DCBLD1: variants seen among roughly 807,000 people sequenced by gnomAD.
DCBLD1 encodes discoidin, CUB and LCCL domain containing 1, also known as discoidin, CUB and LCCL domain-containing protein 1.
DCBLD1 carries 57 observed loss-of-function variants against 71.5 expected under a neutral mutation model. The observed-to-expected ratio is 0.80, with a 90% CI of 0.64 to 0.99. The LOEUF (loss-of-function observed/expected upper bound fraction) is 0.99. Among genes scored for constraint, DCBLD1 ranks in the 50% least tolerant of loss-of-function variants. The pLI, the probability that DCBLD1 is intolerant of heterozygous loss-of-function variation, is 0.00. For synonymous variants in DCBLD1, 380 were observed against 363.8 expected, an observed-to-expected ratio of 1.04 and a Z score of -0.51; for missense variants, 891 against 923.5, an observed-to-expected ratio of 0.96 and a Z score of 0.46.
At chr6:117,540,383 C>T in intron 9 of DCBLD1, 1 of 329,514 alleles carries the variant, frequency 3.0e-6, no homozygotes, top group Non-Finnish European at 5.7e-6. Flanking sequence ...GTCTATAGCA[C>T]CAGTTGAATG....
chr6:117,497,081 G>A (rs182496312), intron 1 of DCBLD1, among the ~76,000 whole-genome samples: 5 of 152,304 alleles, frequency 3.3e-5, no homozygotes, highest in Non-Finnish European at 7.3e-5. Context: ...TGTAATCCCA[G>A]CTAATCGGGA....
intron 1 of DCBLD1, among the ~76,000 whole-genome samples, chr6:117,493,290 C>A (rs929261168): frequency 6.6e-6 from 1 of 152,032 alleles, no homozygotes; most frequent in African/African-American, 2.4e-5. Context: ...TGACAAGATC[C>A]CCAGGTGATT....
intron 5 of DCBLD1, among the ~76,000 whole-genome samples, chr6:117,531,554 A>T (rs991932666): frequency 6.6e-6 from 1 of 152,196 alleles, no homozygotes; most frequent in African/African-American, 2.4e-5. Flanking sequence ...CCTCACACTG[A>T]ACATCGCAGG....
chr6:117,490,817 C>T (rs1365435703), intron 1 of DCBLD1, among the ~76,000 whole-genome samples: 1 of 151,688 alleles, frequency 6.6e-6, no homozygotes, highest in Non-Finnish European at 1.5e-5. Context: ...TTTCTTTCTT[C>T]ACAAAATTAA....
At chr6:117,563,355 G>A in intron 14 of DCBLD1, 1 of 1,613,480 alleles carries the variant, frequency 6.2e-7, no homozygotes, top group East Asian at 2.2e-5. Flanking sequence ...CCATTTTCAT[G>A]TGTGTCAGTT....
chr6:117,561,688 G>A (rs1441653206), intron 14 of DCBLD1: 1 of 203,690 alleles, frequency 4.9e-6, no homozygotes, highest in Admixed American at 6.0e-5. Context: ...CAGAGACAAT[G>A]CTATAAAGTA....
intron 1 of DCBLD1, among the ~76,000 whole-genome samples, chr6:117,496,036 C>T (rs1235368524): frequency 6.6e-6 from 1 of 152,152 alleles, no homozygotes; most frequent in Non-Finnish European, 1.5e-5. Context: ...AAAGTTTCCA[C>T]AGAGAGACTT....
Position 117,518,771 on chromosome 6 carries a change from G to T in DCBLD1, c.326-1045G>T, listed in dbSNP as rs115067075. Among the ~76,000 whole-genome samples the T allele has an allele frequency of 9.9e-3, 1,502 of 152,244 alleles. 26 individuals are homozygous for T. Among genetic ancestry groups the T allele is most frequent in the African/African-American group, 0.035 (1,442 of 41,540 alleles). On this transcript the variant is annotated intron_variant, in intron 2 of 14. Transcript: ENST00000338728. Reference sequence around the variant, plus strand: ...CAGCACGGGAAACACCTTCCCCCATGATTCAGTTACCTCCCACCAGGTCCC... The same window carrying T: ...CAGCACGGGAAACACCTTCCCCCATTATTCAGTTACCTCCCACCAGGTCCC...
At chr6:117,526,783 A>G (rs1445055622) in intron 5 of DCBLD1, among the ~76,000 whole-genome samples, 1 of 152,226 alleles carries the variant, frequency 6.6e-6, no homozygotes, top group Non-Finnish European at 1.5e-5. Flanking sequence ...TCATGGATGT[A>G]TTAGATATTT....
intron 14 of DCBLD1, among the ~76,000 whole-genome samples, chr6:117,559,191 TAAG>T (rs1236398573): frequency 1.3e-5 from 2 of 152,186 alleles, no homozygotes; most frequent in African/African-American, 4.8e-5. Context: ...CTAGCCTCTC[TAAG>T]AAGCAGACGC....
At chr6:117,567,118 TA>T (rs1779714262) in intron 14 of DCBLD1, 5 of 983,206 alleles carry the variant, frequency 5.1e-6, no homozygotes, top group African/African-American at 1.6e-5. Flanking sequence ...TGGGAAGGCT[TA>T]GGGGTAGAGA....
intron 14 of DCBLD1, among the ~76,000 whole-genome samples, chr6:117,563,549 C>T (rs1343070365): frequency 6.6e-6 from 1 of 151,872 alleles, no homozygotes; most frequent in Non-Finnish European, 1.5e-5. Flanking sequence ...TGGTGAAACC[C>T]CGTCTCTATT....
At chr6:117,514,006 G>A (rs187602900) in intron 2 of DCBLD1, among the ~76,000 whole-genome samples, 12 of 152,268 alleles carry the variant, frequency 7.9e-5, no homozygotes, top group Admixed American at 1.3e-4. Flanking sequence ...GGAGTCTGGC[G>A]GAGCACTGAG....
At chr6:117,504,222 T>G (rs1215165327) in intron 2 of DCBLD1, among the ~76,000 whole-genome samples, 2 of 152,204 alleles carry the variant, frequency 1.3e-5, no homozygotes, top group Non-Finnish European at 2.9e-5. Flanking sequence ...TCAGTGCTGC[T>G]AGGAAGAGAA....
At chr6:117,486,561 A>C (rs771435707) in intron 1 of DCBLD1, among the ~76,000 whole-genome samples, 1 of 151,944 alleles carries the variant, frequency 6.6e-6, no homozygotes, top group Non-Finnish European at 1.5e-5. Context: ...TTTTTTTGCT[A>C]TTTCTCCAAA....
At chr6:117,500,466 G>A (rs1270382899) in intron 1 of DCBLD1, among the ~76,000 whole-genome samples, 5 of 152,204 alleles carry the variant, frequency 3.3e-5, no homozygotes, top group African/African-American at 9.6e-5. Flanking sequence ...GAATGTTGAC[G>A]ATTTGAACTT....
At chr6:117,519,397 T>C (rs1392233942) in intron 2 of DCBLD1, among the ~76,000 whole-genome samples, 1 of 152,212 alleles carries the variant, frequency 6.6e-6, no homozygotes, top group East Asian at 1.9e-4. Context: ...ATTCTTACCA[T>C]GCTTTGCAAA....
In DCBLD1 at chr6:117,548,128, C is replaced by G. The variant is rs1191090008; in HGVS notation, c.1837C>G (p.His613Asp). 7 of 1,549,822 alleles carry G rather than the reference C, an allele frequency of 4.5e-6. No individual in the cohort carries two copies. Among genetic ancestry groups the G allele is most frequent in the Non-Finnish European group, 6.1e-6 (7 of 1,146,676 alleles). ...PIVERHVLRA[H>D]TFSAQSGYRV... ...CGTGGAGCGGCACGTGCTGCGCGCC[C>G]ACACGTTCTCTGCGCAGAGCGGCTA... Residue 613 changes from histidine (H) to aspartate (D), a missense_variant, in exon 15 of 15, where the codon CAC (histidine) becomes GAC (aspartate). By Grantham distance (81) the His-to-Asp change is moderately conservative. Transcript: ENST00000338728.
intron 9 of DCBLD1, chr6:117,539,957 G>C (rs1779034858): frequency 6.6e-6 from 1 of 152,638 alleles, no homozygotes; most frequent in Non-Finnish European, 1.5e-5. Context: ...TATAATCCCA[G>C]CTACTTGGGA....
Sources: gnomAD v4.1 joint callset for allele counts (sites outside exome capture counted in the v4.1 genomes callset) on GRCh38, gnomAD v4.1.1 for gene constraint, MANE v1.5 for transcripts, NCBI Gene and HGNC (gene_info 2026-07-23, HGNC 2026-07-21) for gene names.